The following TAS2R1 variants were observed in gnomAD, a reference collection of about 807,000 sequenced individuals.
The protein encoded by TAS2R1 is taste 2 receptor member 1.
For missense variants in TAS2R1, 370 were observed against 353.4 expected (o/e 1.05, Z -0.38); for synonymous variants, 141 against 134.2 (o/e 1.05, Z -0.35).
the TAS2R1 span, among the ~76,000 whole-genome samples, chr5:9,722,620 C>T: frequency 6.6e-6 from 1 of 152,120 alleles, no homozygotes; most frequent in Admixed American, 6.5e-5. Flanking sequence ...TTTAGATCTC[C>T]ATATTCTTTT....
chr5:9,667,543 A>G (rs1373584583), intron 1 of TAS2R1, among the ~76,000 whole-genome samples: 1 of 152,184 alleles, frequency 6.6e-6, no homozygotes, highest in African/African-American at 2.4e-5. Flanking sequence ...TGGACAGTAG[A>G]TTTGGGTTGA....
At chr5:9,822,335 T>C in the TAS2R1 span, among the ~76,000 whole-genome samples, 2 of 149,028 alleles carry the variant, frequency 1.3e-5, no homozygotes, top group South Asian at 2.1e-4. Context: ...ATGTAATGTA[T>C]GCATGTGTAA....
chr5:9,751,262 T>C, the TAS2R1 span, among the ~76,000 whole-genome samples: 2 of 151,912 alleles, frequency 1.3e-5, no homozygotes, highest in African/African-American at 4.8e-5. Flanking sequence ...TACAGAAATA[T>C]CCTATAACCC....
the TAS2R1 span, among the ~76,000 whole-genome samples, chr5:9,805,154 T>C: frequency 6.6e-6 from 1 of 151,990 alleles, no homozygotes; most frequent in South Asian, 2.1e-4. Context: ...AGGAGACAGA[T>C]AAATTCCTGG....
the TAS2R1 span, among the ~76,000 whole-genome samples, chr5:9,761,592 A>T: frequency 6.6e-6 from 1 of 152,266 alleles, no homozygotes; most frequent in East Asian, 1.9e-4. Context: ...TATGTGTTCC[A>T]TTTGTCATTT....
At chr5:9,874,331 T>C in the TAS2R1 span, among the ~76,000 whole-genome samples, 1 of 152,226 alleles carries the variant, frequency 6.6e-6, no homozygotes, top group Non-Finnish European at 1.5e-5. Context: ...TAGGTGGTGC[T>C]AGTTTTATTG....
upstream of TAS2R1, among the ~76,000 whole-genome samples, chr5:9,631,726 A>C (rs1250962922): frequency 6.6e-6 from 1 of 152,260 alleles, no homozygotes; most frequent in Non-Finnish European, 1.5e-5. Context: ...AGAATACTTA[A>C]GATTAATCTT....
chr5:9,742,876 G>C, the TAS2R1 span, among the ~76,000 whole-genome samples: 36 of 152,140 alleles, frequency 2.4e-4, no homozygotes, highest in African/African-American at 8.7e-4. Context: ...AATGAACAAT[G>C]CATGTCTAAA....
chr5:9,856,006 G>C, the TAS2R1 span, among the ~76,000 whole-genome samples: 7 of 151,892 alleles, frequency 4.6e-5, no homozygotes, highest in Non-Finnish European at 8.8e-5. Context: ...AGGAAGAAAA[G>C]ATTATGCCTT....
chr5:9,753,834 G>A, the TAS2R1 span, among the ~76,000 whole-genome samples: 1 of 152,140 alleles, frequency 6.6e-6, no homozygotes, highest in African/African-American at 2.4e-5. Context: ...TTTTTGTCAT[G>A]TTTGTCAAAG....
intron 1 of TAS2R1, among the ~76,000 whole-genome samples, chr5:9,666,468 AG>A (rs1740634992): frequency 6.6e-6 from 1 of 152,188 alleles, no homozygotes; most frequent in South Asian, 2.1e-4. Flanking sequence ...GGGAGGAACA[AG>A]GGGCTTCATC....
chr5:9,654,357 A>G (rs2126490713), intron 2 of TAS2R1, among the ~76,000 whole-genome samples: 1 of 152,240 alleles, frequency 6.6e-6, no homozygotes, highest in South Asian at 2.1e-4. Context: ...CAATCTTGTA[A>G]TTTTATTCTC....
the TAS2R1 span, among the ~76,000 whole-genome samples, chr5:9,745,338 T>C: frequency 1.3e-5 from 2 of 152,136 alleles, no homozygotes; most frequent in African/African-American, 4.8e-5. Context: ...TTATTATGGT[T>C]GGACATAATA....
At chr5:9,770,407 G>T in the TAS2R1 span, among the ~76,000 whole-genome samples, 1 of 152,032 alleles carries the variant, frequency 6.6e-6, no homozygotes, top group African/African-American at 2.4e-5. Flanking sequence ...GGTCTTTTGT[G>T]GTTCCATATA....
chr5:9,836,058 TC>T, the TAS2R1 span, among the ~76,000 whole-genome samples: 1 of 152,026 alleles, frequency 6.6e-6, no homozygotes, highest in Non-Finnish European at 1.5e-5. Flanking sequence ...GGCAGGTCTT[TC>T]CCATGCTGTT....
intron 1 of TAS2R1, among the ~76,000 whole-genome samples, chr5:9,685,282 T>A (rs1741103511): frequency 6.6e-6 from 1 of 152,096 alleles, no homozygotes; most frequent in South Asian, 2.1e-4. Context: ...AATATGAACT[T>A]TTGCTCTTTG....
At chr5:9,777,458 C>T in the TAS2R1 span, among the ~76,000 whole-genome samples, 1 of 152,240 alleles carries the variant, frequency 6.6e-6, no homozygotes, top group East Asian at 1.9e-4. Flanking sequence ...AATTCAGTCG[C>T]ATCTTCGGGC....
chr5:9,666,841 C>T (rs1258805773), intron 1 of TAS2R1, among the ~76,000 whole-genome samples: 1 of 152,082 alleles, frequency 6.6e-6, no homozygotes. Flanking sequence ...TATATACTAT[C>T]CCAAGTGTAT....
At chr5:9,901,746 C>T in the TAS2R1 span, among the ~76,000 whole-genome samples, 1 of 152,212 alleles carries the variant, frequency 6.6e-6, no homozygotes, top group African/African-American at 2.4e-5. Flanking sequence ...CGGAGACAGG[C>T]AAGAAGACTG....
Sources: gnomAD v4.1 joint callset for allele counts (sites outside exome capture counted in the v4.1 genomes callset) on GRCh38, gnomAD v4.1.1 for gene constraint, MANE v1.5 for transcripts, NCBI Gene and HGNC (gene_info 2026-07-23, HGNC 2026-07-21) for gene names.